TSNARE1: variants seen among roughly 807,000 people sequenced by gnomAD.
The protein encoded by TSNARE1 is t-SNARE domain containing 1, also known as t-SNARE domain-containing protein 1.
In TSNARE1, 49 loss-of-function variants were observed where a neutral mutation model predicts 62.0. The ratio of observed to expected loss-of-function variants is 0.79; its 90% confidence interval spans 0.63 to 1.00. TSNARE1 has a LOEUF of 1.00. Ranked by LOEUF, TSNARE1 falls within the 50% of genes least tolerant of loss-of-function variation. The pLI is 0.00. For synonymous variants in TSNARE1, 328 were observed against 294.4 expected (o/e 1.11, Z -1.17); for missense variants, 755 against 700.1 (o/e 1.08, Z -0.88).
chr8:142,347,971 C>T (rs945931763), intron 2 of TSNARE1, among the ~76,000 whole-genome samples: 1 of 152,260 alleles, frequency 6.6e-6, no homozygotes, highest in African/African-American at 2.4e-5. Context: ...GCTCCCCACG[C>T]CCCTCGAGGG....
chr8:142,382,509 C>A (rs1265995524), intron 1 of TSNARE1, among the ~76,000 whole-genome samples: 1 of 152,156 alleles, frequency 6.6e-6, no homozygotes, highest in East Asian at 1.9e-4. Flanking sequence ...GTCATGCGGG[C>A]AGGGGGCAGG....
chr8:142,281,472 C>G (rs1051350076), intron 11 of TSNARE1, among the ~76,000 whole-genome samples: 12 of 151,998 alleles, frequency 7.9e-5, no homozygotes, highest in Admixed American at 7.9e-4. Flanking sequence ...AAACCTGGAG[C>G]CCCACCATGG....
intron 1 of TSNARE1, among the ~76,000 whole-genome samples, chr8:142,366,315 A>G (rs2130954796): frequency 6.6e-6 from 1 of 152,332 alleles, no homozygotes; most frequent in South Asian, 2.1e-4. Flanking sequence ...GCTTTTATGA[A>G]GCATGTATAA....
Position 142,216,970 on chromosome 8 carries a change from G to A in TSNARE1, c.*12-4657C>T, listed in dbSNP as rs548565543. ...TGGAGAAACTGCCTAAGGACCGGGCGCGGTGGCTCACACCTGTAATCCCAG... is the reference window on the plus strand; with the variant it reads ...TGGAGAAACTGCCTAAGGACCGGGCACGGTGGCTCACACCTGTAATCCCAG... On this transcript the variant is annotated intron_variant, in intron 13 of 13. Transcript: ENST00000524325. 4.7e-3 allele frequency among the ~76,000 whole-genome samples: 708 copies of A among 152,252 alleles called. 4 individuals carry two copies. Among genetic ancestry groups the A allele is most frequent in the African/African-American group, 0.016 (652 of 41,536 alleles).
intron 12 of TSNARE1, among the ~76,000 whole-genome samples, chr8:142,256,329 CTTTGCCACCATCAT>C (rs1818557054): frequency 1.5e-5 from 2 of 134,084 alleles, no homozygotes; most frequent in Admixed American, 7.4e-5. Flanking sequence ...CCATCACCAT[CTTTGCCACCATCAT>C]CATCACCATC....
rs549003435 is a variant in TSNARE1, at chr8:142,212,802, A to G, written c.*12-489T>C. Among the ~76,000 whole-genome samples the G allele has an allele frequency of 7.9e-4, 10 of 12,696 alleles. No homozygotes were observed. In the South Asian group the frequency reaches 0.015, roughly 19 times the overall value. The allele number at this position is 12,696 out of a possible 152,430, so 8.3% of individuals were successfully genotyped here. On this transcript the variant is annotated intron_variant, in intron 13 of 13. Coordinates refer to ENST00000524325, the MANE Select transcript of TSNARE1 (RefSeq NM_145003.5). ...TCTCCCCTCCTCCTCCTTCTCTCCA[A>G]TCCTTCCCCCCCCTGTCCCTCCCTC...
chr8:142,388,269 T>A (rs1419768112), intron 1 of TSNARE1, among the ~76,000 whole-genome samples: 1 of 152,136 alleles, frequency 6.6e-6, no homozygotes, highest in Non-Finnish European at 1.5e-5. Context: ...AGGTTTTTCA[T>A]TAACATACCT....
At chr8:142,374,453 C>T (rs183667015) in intron 1 of TSNARE1, among the ~76,000 whole-genome samples, 6 of 151,364 alleles carry the variant, frequency 4.0e-5, no homozygotes, top group Non-Finnish European at 5.9e-5. Flanking sequence ...CCGAGGTAGG[C>T]GGATCACGAG....
intron 1 of TSNARE1, among the ~76,000 whole-genome samples, chr8:142,382,973 G>C (rs1225741380): frequency 6.6e-6 from 1 of 152,160 alleles, no homozygotes; most frequent in Non-Finnish European, 1.5e-5. Flanking sequence ...CAGCCGAGCA[G>C]GGTCTGGGGG....
intron 4 of TSNARE1, among the ~76,000 whole-genome samples, chr8:142,334,535 C>A (rs1831493618): frequency 1.3e-5 from 2 of 152,048 alleles, no homozygotes; most frequent in African/African-American, 2.4e-5. Context: ...AAAGAATTGC[C>A]AGAAATAATG....
Position 142,343,993 on chromosome 8 carries a change from C to T in TSNARE1, c.718G>A (p.Glu240Lys), listed in dbSNP as rs79460462. The T allele has an allele frequency of 0.024, 36,578 of 1,541,784 alleles. 537 individuals are homozygous for T. The highest frequency in any genetic ancestry group is 0.044 in the East Asian group (1,921 of 44,088). The change falls in exon 4 of 14, where the codon GAG becomes AAG. Residue 240 changes from glutamate (E) to lysine (K), a missense_variant. Transcript: ENST00000524325. ...KTFSCQALPS[E>K]GFSLEPPRAT... ...CTGGGCGGCTCCAGACTGAAGCCCT[C>T]GGAGGGCAGGGCCTGGCAAGAGAAG... is the stretch of plus-strand genomic sequence containing the variant.
At chr8:142,260,979 A>AGGAC (rs1563786580) in intron 12 of TSNARE1, among the ~76,000 whole-genome samples, 13 of 1,292 alleles carry the variant, frequency 0.01, no homozygotes, top group Non-Finnish European at 0.015. Context: ...GGAGGGAGGG[A>AGGAC]GGGAGGAGAG....
At position 142,218,008 on chromosome 8, in the gene TSNARE1, C is replaced by T. The variant is rs1007874586; in HGVS notation, c.*12-5695G>A. Among the ~76,000 whole-genome samples, 263 of 118,122 alleles carry T rather than the reference C, an allele frequency of 2.2e-3. 69 individuals carry two copies. The highest frequency in any genetic ancestry group is 9.2e-3 in the African/African-American group (254 of 27,510). 77.5% of individuals were successfully genotyped at this position (118,122 alleles called of 152,430 possible). A position where few individuals can be genotyped will look rare whatever the true frequency, so the allele number is the denominator to read the frequency against. ...TCAGAGTATGAGCAGGATCAGGGCT[C>T]AGTGTGTGGCCAGGATCAGGGCCCA... On this transcript the variant is annotated intron_variant, in intron 13 of 13. Coordinates refer to ENST00000524325, the MANE Select transcript of TSNARE1 (RefSeq NM_145003.5).
chr8:142,388,501 TAAA>T (rs34348082), intron 1 of TSNARE1, among the ~76,000 whole-genome samples: 5 of 68,848 alleles, frequency 7.3e-5, no homozygotes, highest in Non-Finnish European at 9.1e-5. Context: ...GATAATGAAC[TAAA>T]AAAAAAAAAA....
intron 10 of TSNARE1, chr8:142,300,265 A>G (rs1586658346): frequency 2.0e-6 from 1 of 510,908 alleles, no homozygotes; most frequent in East Asian, 3.1e-5. Context: ...GAAACCCAGG[A>G]AGGAGGGGAT....
intron 10 of TSNARE1, among the ~76,000 whole-genome samples, chr8:142,286,609 C>T (rs973216595): frequency 6.6e-6 from 1 of 152,152 alleles, no homozygotes; most frequent in South Asian, 2.1e-4. Flanking sequence ...TGGCCCGGGC[C>T]GGTTTCTGGT....
chr8:142,400,810 G>A (rs1283619302), intron 1 of TSNARE1, among the ~76,000 whole-genome samples: 1 of 152,214 alleles, frequency 6.6e-6, no homozygotes, highest in Non-Finnish European at 1.5e-5. Flanking sequence ...ACAGTTGAGG[G>A]ACTCACGGCA....
At chr8:142,378,872 A>G (rs951045032) in intron 1 of TSNARE1, among the ~76,000 whole-genome samples, 2 of 152,166 alleles carry the variant, frequency 1.3e-5, no homozygotes, top group Admixed American at 6.5e-5. Flanking sequence ...CCTTGGTTCC[A>G]CGGCAGCCTC....
At chr8:142,325,971 G>A (rs1470410335) in intron 6 of TSNARE1, 3 of 159,400 alleles carry the variant, frequency 1.9e-5, no homozygotes, top group Non-Finnish European at 4.1e-5. Context: ...GCGAAGGGGA[G>A]GGCCCCGGAG....
Sources: gnomAD v4.1 joint callset for allele counts (sites outside exome capture counted in the v4.1 genomes callset) on GRCh38, gnomAD v4.1.1 for gene constraint, MANE v1.5 for transcripts, NCBI Gene and HGNC (gene_info 2026-07-23, HGNC 2026-07-21) for gene names.